VAV3: variants seen among roughly 807,000 people sequenced by gnomAD.
The protein encoded by VAV3 is guanine nucleotide exchange factor VAV3.
Under a neutral mutation model 131.2 loss-of-function variants are expected in VAV3, and 94 were observed. That is an observed-to-expected ratio of 0.72 (90% confidence interval 0.61 to 0.85). The LOEUF (loss-of-function observed/expected upper bound fraction) is 0.85, where lower values mean the gene tolerates loss of function less well. Among genes scored for constraint, VAV3 ranks in the 40% least tolerant of loss-of-function variants. VAV3 has a pLI of 0.00. For missense variants in VAV3, 939 were observed against 1,002.7 expected (o/e 0.94, Z 0.86); for synonymous variants, 349 against 342.0 (o/e 1.02, Z -0.22).
intron 2 of VAV3, among the ~76,000 whole-genome samples, chr1:107,870,815 AG>A (rs907297634): frequency 5.3e-5 from 8 of 152,256 alleles, no homozygotes; most frequent in African/African-American, 1.9e-4. Context: ...ACCACTGGCC[AG>A]GTATGGATAC....
At chr1:107,702,191 G>C (rs2504467) in intron 17 of VAV3, among the ~76,000 whole-genome samples, 48,265 of 152,032 alleles carry the variant, frequency 0.32, 8,387 homozygotes, top group African/African-American at 0.46. Context: ...AGGTGAAGCA[G>C]GTACATCTTA....
At chr1:107,634,955 A>G (rs944558625) in intron 20 of VAV3, among the ~76,000 whole-genome samples, 2 of 151,796 alleles carry the variant, frequency 1.3e-5, no homozygotes, top group Non-Finnish European at 2.9e-5. Context: ...GCAATCATTA[A>G]AAAGTCAGGA....
At chr1:107,888,903 T>C (rs990340440) in intron 1 of VAV3, among the ~76,000 whole-genome samples, 1 of 152,174 alleles carries the variant, frequency 6.6e-6, no homozygotes, top group Non-Finnish European at 1.5e-5. Flanking sequence ...TTTAGCATCA[T>C]CTCCAAATTT....
chr1:107,879,611 G>C (rs1419983192), intron 1 of VAV3, among the ~76,000 whole-genome samples: 1 of 151,232 alleles, frequency 6.6e-6, no homozygotes, highest in African/African-American at 2.4e-5. Context: ...CTAGACCTTT[G>C]AATCATCTGA....
rs565805147 is a variant in VAV3 at position 107,672,715 on chromosome 1, A to T, written c.1777+10773T>A. Among the ~76,000 whole-genome samples the T allele has an allele frequency of 9.9e-4, 151 of 152,316 alleles. 1 individual carries two copies. Among genetic ancestry groups the T allele is most frequent in the African/African-American group, 3.4e-3 (143 of 41,580 alleles). On this transcript the variant is annotated intron_variant, in intron 19 of 26. Transcript: ENST00000370056. ...AAATCTTGAATAGAAAGAGGGAGTA[A>T]GCATAATAGATAATTCTCAGAAAAA...
intron 1 of VAV3, among the ~76,000 whole-genome samples, chr1:107,942,562 G>A (rs573821887): frequency 1.3e-5 from 2 of 152,154 alleles, no homozygotes; most frequent in African/African-American, 4.8e-5. Flanking sequence ...TGTGTATCCT[G>A]ACTTAAGATC....
chr1:107,605,810 T>C (rs111474431), intron 22 of VAV3, among the ~76,000 whole-genome samples: 7,553 of 152,324 alleles, frequency 0.05, 207 homozygotes, highest in Middle Eastern at 0.088. Context: ...ATATATCTCA[T>C]GATGTTTATG....
chr1:107,843,608 A>T (rs1305575806), intron 2 of VAV3, among the ~76,000 whole-genome samples: 1 of 151,432 alleles, frequency 6.6e-6, no homozygotes, highest in Non-Finnish European at 1.5e-5. Flanking sequence ...CTGAAGTATG[A>T]GCAGGCGTAT....
chr1:107,823,783 C>T (rs1667899319), intron 2 of VAV3, among the ~76,000 whole-genome samples: 2 of 152,186 alleles, frequency 1.3e-5, no homozygotes, highest in Non-Finnish European at 2.9e-5. Context: ...GGATTAGTGT[C>T]CTTATAAGAA....
intron 20 of VAV3, among the ~76,000 whole-genome samples, chr1:107,625,516 C>T (rs1653950780): frequency 6.6e-6 from 1 of 152,120 alleles, no homozygotes; most frequent in African/African-American, 2.4e-5. Flanking sequence ...ATCCACTTGC[C>T]CCAGCCTCCC....
At chr1:107,706,905 T>C (rs866776100) in intron 15 of VAV3, among the ~76,000 whole-genome samples, 3 of 152,156 alleles carry the variant, frequency 2.0e-5, no homozygotes, top group Non-Finnish European at 4.4e-5. Context: ...ATTTCAAAAA[T>C]CTGCCTCGGA....
intron 2 of VAV3, among the ~76,000 whole-genome samples, chr1:107,804,210 T>C (rs540517074): frequency 1.3e-5 from 2 of 152,274 alleles, no homozygotes; most frequent in Admixed American, 1.3e-4. Context: ...CTATGTCTTT[T>C]AATTGGAGAA....
chr1:107,602,996 C>T, intron 23 of VAV3, 51 bp downstream of exon 23: 1 of 1,459,240 alleles, frequency 6.9e-7, no homozygotes, highest in East Asian at 2.3e-5. Flanking sequence ...ATGGTCTATG[C>T]AATTATGAAA....
intron 1 of VAV3, among the ~76,000 whole-genome samples, chr1:107,909,862 A>G (rs1418256373): frequency 2.0e-5 from 3 of 152,194 alleles, no homozygotes; most frequent in African/African-American, 4.8e-5. Flanking sequence ...TAAATATTTC[A>G]TAATAATATT....
rs1192365479 is a variant in VAV3 at position 107,639,771 on chromosome 1, CTA to C, written c.1914+2846_1914+2847del. Among the ~76,000 whole-genome samples, 3 of 151,888 alleles carry C rather than the reference CTA, an allele frequency of 2.0e-5. No individual in the cohort carries two copies. The East Asian group carries it at 5.8e-4, about 29-fold the overall frequency. On this transcript the variant is annotated intron_variant, in intron 20 of 26. Coordinates refer to ENST00000370056, the MANE Select transcript of VAV3 (RefSeq NM_006113.5). Reference sequence around the variant, plus strand: ...ATAGCCTGGGCAACTTAGCTAGACACTATCTCTAAAAAATTAGCCAGGCATGG... The same window carrying C: ...ATAGCCTGGGCAACTTAGCTAGACACTCTCTAAAAAATTAGCCAGGCATGG...
intron 19 of VAV3, among the ~76,000 whole-genome samples, chr1:107,671,675 C>T (rs1031434117): frequency 5.3e-5 from 8 of 151,912 alleles, no homozygotes; most frequent in South Asian, 4.1e-4. Flanking sequence ...ATAAGAACAA[C>T]GGGAGGAGCT....
intron 2 of VAV3, among the ~76,000 whole-genome samples, chr1:107,828,153 G>A (rs1189629655): frequency 6.6e-6 from 1 of 152,154 alleles, no homozygotes; most frequent in Non-Finnish European, 1.5e-5. Flanking sequence ...CTCCTCTCTG[G>A]AACATCTGGT....
intron 1 of VAV3, among the ~76,000 whole-genome samples, chr1:107,954,773 G>GGGGGCT (rs1371381708): frequency 6.7e-6 from 1 of 148,414 alleles, no homozygotes; most frequent in African/African-American, 2.6e-5. Context: ...ATGGGAGGGG[G>GGGGGCT]GGAAATTCAT....
chr1:107,885,376 A>T (rs1312221639), intron 1 of VAV3, among the ~76,000 whole-genome samples: 3 of 152,108 alleles, frequency 2.0e-5, no homozygotes, highest in African/African-American at 4.8e-5. Flanking sequence ...GAATTCTGTT[A>T]TGCTGTAATT....
Sources: gnomAD v4.1 joint callset for allele counts (sites outside exome capture counted in the v4.1 genomes callset) on GRCh38, gnomAD v4.1.1 for gene constraint, MANE v1.5 for transcripts, NCBI Gene and HGNC (gene_info 2026-07-23, HGNC 2026-07-21) for gene names.